CSMD3: variants seen among roughly 807,000 people sequenced by gnomAD.
CSMD3 encodes CUB and Sushi multiple domains 3.
CSMD3 carries 177 observed loss-of-function variants against 435.2 expected under a neutral mutation model. That is an observed-to-expected ratio of 0.41 (90% CI 0.36 to 0.46). The LOEUF is 0.46. Among genes scored for constraint, CSMD3 ranks in the 20% least tolerant of loss-of-function variants. CSMD3 has a pLI of 0.34. For synonymous variants in CSMD3, 1,656 were observed against 1,520.5 expected, an observed-to-expected ratio of 1.09 and a Z score of -2.07; for missense variants, 4,265 against 4,504.6, an observed-to-expected ratio of 0.95 and a Z score of 1.52.
In CSMD3 at chr8:112,503,972, C is replaced by T. The variant is rs756177112; in HGVS notation, c.4901G>A (p.Ser1634Asn). The change falls in exon 30 of 71, where the codon AGC (serine) becomes AAC (asparagine). Residue 1634 changes from serine to asparagine, a missense_variant. By Grantham distance (46) the Ser-to-Asn change is conservative. This residue lies in a region of CSMD3 where 3,255 missense variants were observed against 3,380.2 expected (regional missense o/e 0.96). Transcript: ENST00000297405. ...YVISLAFISFSIEPNYDFLYI... is the reference protein window; with the variant it reads ...YVISLAFISFNIEPNYDFLYI... Reference sequence around the variant, plus strand: ...GAGGAAGTCATAGTTTGGTTCTATGCTAAAACTGAAAAAAAAAAGGAAAGA... The same window carrying T: ...GAGGAAGTCATAGTTTGGTTCTATGTTAAAACTGAAAAAAAAAAGGAAAGA... 1.3e-6 allele frequency: 2 copies of T among 1,571,796 alleles called. No homozygotes were observed. Among genetic ancestry groups the T allele is most frequent in the East Asian group, 2.2e-5 (1 of 44,464 alleles).
At chr8:113,085,434 T>C (rs1166475899) in intron 5 of CSMD3, among the ~76,000 whole-genome samples, 3 of 152,120 alleles carry the variant, frequency 2.0e-5, no homozygotes, top group Non-Finnish European at 4.4e-5. Context: ...TGAATAGTTA[T>C]ACAAAGGAAA....
intron 4 of CSMD3, among the ~76,000 whole-genome samples, chr8:113,115,835 A>G (rs2090808295): frequency 6.6e-6 from 1 of 152,184 alleles, no homozygotes; most frequent in Non-Finnish European, 1.5e-5. Flanking sequence ...CTTCTGAGGC[A>G]ATTGCTTAGG....
chr8:113,169,979 C>T (rs1230349955), intron 4 of CSMD3, among the ~76,000 whole-genome samples: 3 of 152,108 alleles, frequency 2.0e-5, no homozygotes, highest in African/African-American at 7.2e-5. Context: ...TGAACAAACA[C>T]AAAACCTTTA....
intron 4 of CSMD3, among the ~76,000 whole-genome samples, chr8:113,109,684 T>C (rs1250417785): frequency 6.6e-6 from 1 of 152,196 alleles, no homozygotes; most frequent in Non-Finnish European, 1.5e-5. Flanking sequence ...AAATCGGCTC[T>C]GTGCCTGGAG....
chr8:112,707,789 C>T (rs982284114), intron 13 of CSMD3, among the ~76,000 whole-genome samples: 16 of 151,978 alleles, frequency 1.1e-4, no homozygotes, highest in African/African-American at 3.6e-4. Flanking sequence ...TTACTATTAT[C>T]CGCATTTTAA....
chr8:112,535,288 A>G (rs1285476917), intron 27 of CSMD3, among the ~76,000 whole-genome samples: 1 of 152,160 alleles, frequency 6.6e-6, no homozygotes, highest in East Asian at 1.9e-4. Flanking sequence ...TCTCAGCCCC[A>G]AATCTCCTTA....
chr8:112,728,853 T>C (rs1369666949), intron 13 of CSMD3, among the ~76,000 whole-genome samples: 1 of 152,078 alleles, frequency 6.6e-6, no homozygotes, highest in Non-Finnish European at 1.5e-5. Flanking sequence ...AATATCTATA[T>C]GTACAAATTA....
chr8:112,319,749 C>A (rs1822815300), intron 46 of CSMD3, 152 bp downstream of exon 46: 1 of 673,034 alleles, frequency 1.5e-6, no homozygotes, highest in Non-Finnish European at 2.7e-6. Flanking sequence ...CTTTTCACTC[C>A]TTCTCCCTTC....
chr8:112,660,784 T>G (rs1046613676), intron 17 of CSMD3, among the ~76,000 whole-genome samples: 1 of 152,194 alleles, frequency 6.6e-6, no homozygotes, highest in Non-Finnish European at 1.5e-5. Flanking sequence ...AAAATACCAT[T>G]AATAAATTCT....
chr8:113,242,248 T>C (rs994208442), intron 3 of CSMD3, among the ~76,000 whole-genome samples: 3 of 151,924 alleles, frequency 2.0e-5, no homozygotes, highest in African/African-American at 4.8e-5. Context: ...TACCTACTCA[T>C]GTACATTTTA....
intron 22 of CSMD3, among the ~76,000 whole-genome samples, chr8:112,596,380 C>T (rs1488955025): frequency 1.3e-5 from 2 of 151,802 alleles, no homozygotes; most frequent in South Asian, 2.1e-4. Flanking sequence ...TCCTGAGTGA[C>T]CTACAAAGAG....
At chr8:112,680,326 C>T (rs2075861768) in intron 16 of CSMD3, among the ~76,000 whole-genome samples, 1 of 152,132 alleles carries the variant, frequency 6.6e-6, no homozygotes, top group Non-Finnish European at 1.5e-5. Context: ...CCACTGCTCT[C>T]CAGCCTGGGT....
chr8:113,238,962 T>G (rs992760264), intron 3 of CSMD3, among the ~76,000 whole-genome samples: 2 of 152,180 alleles, frequency 1.3e-5, no homozygotes, highest in African/African-American at 2.4e-5. Context: ...AGTGTAACAC[T>G]GAAATTGATA....
At chr8:112,934,487 A>G (rs2083215488) in intron 9 of CSMD3, among the ~76,000 whole-genome samples, 1 of 152,156 alleles carries the variant, frequency 6.6e-6, no homozygotes, top group African/African-American at 2.4e-5. Context: ...ATATTATACA[A>G]CTATTAATAT....
chr8:113,023,925 G>A (rs1172294021), intron 5 of CSMD3, among the ~76,000 whole-genome samples: 1 of 152,026 alleles, frequency 6.6e-6, no homozygotes. Flanking sequence ...TTTGTAGTAG[G>A]AAATTCAAAA....
At chr8:113,329,108 T>A (rs1372504968) in intron 1 of CSMD3, among the ~76,000 whole-genome samples, 1 of 151,948 alleles carries the variant, frequency 6.6e-6, no homozygotes, top group African/African-American at 2.4e-5. Flanking sequence ...TGGCTCATTT[T>A]AAAAATAAGT....
At chr8:113,052,028 T>C (rs1006954980) in intron 5 of CSMD3, among the ~76,000 whole-genome samples, 1 of 152,216 alleles carries the variant, frequency 6.6e-6, no homozygotes, top group Non-Finnish European at 1.5e-5. Flanking sequence ...TTTGGATATT[T>C]TGACTTTGAA....
chr8:112,526,970 C>T (rs554926789), intron 27 of CSMD3, among the ~76,000 whole-genome samples: 6 of 151,818 alleles, frequency 4.0e-5, no homozygotes, highest in East Asian at 1.9e-4. Flanking sequence ...AGAGCAAATG[C>T]TTTCTTTCCT....
At chr8:112,242,942 T>C (rs1814308438) in intron 65 of CSMD3, among the ~76,000 whole-genome samples, 1 of 152,080 alleles carries the variant, frequency 6.6e-6, no homozygotes, top group Non-Finnish European at 1.5e-5. Flanking sequence ...ACTGCATCTT[T>C]AGAAAATCAT....
Sources: gnomAD v4.1 joint callset for allele counts (sites outside exome capture counted in the v4.1 genomes callset) on GRCh38, gnomAD v4.1.1 for gene constraint, gnomAD v4.1.1 regional missense constraint, MANE v1.5 for transcripts, NCBI Gene and HGNC (gene_info 2026-07-23, HGNC 2026-07-21) for gene names.